Variants in NXN observed in about 807,000 individuals in gnomAD.
The protein encoded by NXN is nucleoredoxin 1.
A neutral mutation model predicts 48.6 loss-of-function variants in NXN; 16 were observed. The ratio of observed to expected loss-of-function variants is 0.33; its 90% confidence interval spans 0.22 to 0.50. The LOEUF is 0.50. NXN is among the 20% of genes least tolerant of loss of function. The pLI, the probability that NXN is intolerant of heterozygous loss-of-function variation, is 0.98. For synonymous variants in NXN, 281 were observed against 269.6 expected (o/e 1.04, Z -0.41); for missense variants, 492 against 605.5 (o/e 0.81, Z 1.97).
rs1387740648 is a variant in NXN at position 799,774 on chromosome 17, G to A, written c.*1175C>T. 6.6e-6 allele frequency: 1 copy of A among 152,388 alleles called. No individual in the cohort carries two copies. Among genetic ancestry groups the A allele is most frequent in the African/African-American group, 2.4e-5 (1 of 41,462 alleles). 9.4% of individuals were successfully genotyped at this position (152,388 alleles called of 1,614,324 possible). A position where few individuals can be genotyped will look rare whatever the true frequency, so the allele number is the denominator to read the frequency against. On this transcript the variant is annotated 3_prime_UTR_variant, in exon 8 of 8. Coordinates refer to ENST00000336868, the MANE Select transcript of NXN (RefSeq NM_022463.5). ...CACAGCTCCTTCCGCTGGTGCTTAGGAAAAGGCGAGGCTTCTGGTAATTTC... is the reference window on the plus strand; with the variant it reads ...CACAGCTCCTTCCGCTGGTGCTTAGAAAAAGGCGAGGCTTCTGGTAATTTC...
Position 932,207 on chromosome 17 carries a change from C to T in NXN, c.360+47112G>A, listed in dbSNP as rs2068862369. On this transcript the variant is annotated intron_variant, in intron 1 of 7. Transcript: ENST00000336868. This position sits in a 1 kb window ranked among gnomAD's most constrained non-coding sequence, Gnocchi z 4.1. ...TTATTTGGAATCCTGGAAAAAAAAG[C>T]TAAGGCAAAGCTGATCTGAAGAGTC... is the stretch of plus-strand genomic sequence containing the variant. Among the ~76,000 whole-genome samples, 1 of 152,184 alleles carries T rather than the reference C, an allele frequency of 6.6e-6. No individual in the cohort carries two copies. The highest frequency in any genetic ancestry group is 1.5e-5 in the Non-Finnish European group (1 of 68,028).
intron 1 of NXN, among the ~76,000 whole-genome samples, chr17:905,881 G>C (rs2068577044): frequency 1.3e-5 from 2 of 151,870 alleles, no homozygotes; most frequent in African/African-American, 2.4e-5. Context: ...GGAGGTTGGG[G>C]TGGGAGGATC....
In NXN at chr17:824,184, T is replaced by C. The variant is rs1207538374; in HGVS notation, c.479-419A>G. Among the ~76,000 whole-genome samples, 5 of 151,984 alleles carry C rather than the reference T, an allele frequency of 3.3e-5. No individual in the cohort carries two copies. The South Asian group carries it at 6.2e-4, about 19-fold the overall frequency. ...CCTCCCAAGTAGCTGGGACTACAGG[T>C]GCCCGCCACCAGGCCCGGCTAATGT... On this transcript the variant is annotated intron_variant, in intron 2 of 7. Coordinates refer to ENST00000336868, the MANE Select transcript of NXN (RefSeq NM_022463.5).
chr17:872,874 G>A (rs888742010), intron 1 of NXN, among the ~76,000 whole-genome samples: 32 of 152,100 alleles, frequency 2.1e-4, no homozygotes, highest in Non-Finnish European at 2.8e-4. Flanking sequence ...ACCCGCCTTG[G>A]CCTCCCAGTG....
chr17:902,329 G>A (rs888326033), intron 1 of NXN, among the ~76,000 whole-genome samples: 17 of 152,294 alleles, frequency 1.1e-4, no homozygotes, highest in Admixed American at 3.3e-4. Flanking sequence ...TGAGATCCAC[G>A]AGGATCCGTG....
At chr17:895,772 C>T (rs1185992958) in intron 1 of NXN, among the ~76,000 whole-genome samples, 2 of 58,896 alleles carry the variant, frequency 3.4e-5, no homozygotes, top group African/African-American at 1.6e-4. Flanking sequence ...GAGCCGAGAT[C>T]GCACCACTGC....
At chr17:804,535 C>T (rs1447470848) in intron 6 of NXN, among the ~76,000 whole-genome samples, 6 of 152,202 alleles carry the variant, frequency 3.9e-5, no homozygotes, top group Non-Finnish European at 7.3e-5. Flanking sequence ...GTCATCCCAT[C>T]AGACTGCAGG....
rs150696932 is a variant in NXN, at chr17:914,838, C to T, written c.360+64481G>A. ...CTTCCCCTGGAGGAGCTGATGAGTG[C>T]GTGGAACCAACAGCACAGGCAAATA... On this transcript the variant is annotated intron_variant, in intron 1 of 7. Transcript: ENST00000336868. 4.3e-3 allele frequency among the ~76,000 whole-genome samples: 650 copies of T among 152,172 alleles called. 1 individual carries two copies. Among genetic ancestry groups the T allele is most frequent in the South Asian group, 6.4e-3 (31 of 4,818 alleles).
In NXN at chr17:826,025, G is replaced by A. The variant is rs369883008; in HGVS notation, c.414C>T (p.Leu138=). 4.3e-6 allele frequency: 7 copies of A among 1,613,938 alleles called. No homozygotes were observed. The highest frequency in any genetic ancestry group is 2.7e-5 in the African/African-American group (2 of 74,884). Residue 138 remains leucine (L), a synonymous_variant, in exon 2 of 8, where the codon CTC becomes CTT. Transcript: ENST00000336868. ...RISNIPSLIF[L]DATTGKVVCR... ...ACACAACCTTCCCAGTGGTGGCGTC[G>A]AGGAATATTAGTGATGGAATGTTGG...
rs555213416 is a variant in NXN, at chr17:969,856, C to G, written c.360+9463G>C. 6.6e-5 allele frequency among the ~76,000 whole-genome samples: 10 copies of G among 152,268 alleles called. No individual in the cohort carries two copies. In the South Asian group the frequency reaches 1.7e-3, roughly 25 times the overall value. On this transcript the variant is annotated intron_variant, in intron 1 of 7. Transcript: ENST00000336868. ...AGAGAAAGCCCTATCCCTAGGACAG[C>G]AGAACTCACCACACCCTGTTTGGTG...
At chr17:802,955 G>A (rs1216259796) in intron 7 of NXN, among the ~76,000 whole-genome samples, 1 of 151,738 alleles carries the variant, frequency 6.6e-6, no homozygotes, top group Non-Finnish European at 1.5e-5. Context: ...GGGGTGGGGT[G>A]GGGAGGTGGC....
chr17:841,676 C>CCCCCTG (rs1914319413), intron 1 of NXN, among the ~76,000 whole-genome samples: 3 of 135,964 alleles, frequency 2.2e-5, no homozygotes, highest in Non-Finnish European at 4.7e-5. Context: ...CGAGCAGGTC[C>CCCCCTG]ACCCTGACCA....
chr17:941,400 A>G (rs1444417353), intron 1 of NXN, among the ~76,000 whole-genome samples: 2 of 146,164 alleles, frequency 1.4e-5, no homozygotes, highest in African/African-American at 5.3e-5. Flanking sequence ...TTCACCAAAC[A>G]CCTCCCTGGA....
intron 1 of NXN, among the ~76,000 whole-genome samples, chr17:904,700 C>T (rs1354570921): frequency 6.6e-6 from 1 of 152,128 alleles, no homozygotes; most frequent in African/African-American, 2.4e-5. Flanking sequence ...CATGCAATCA[C>T]ATCCAGCTAA....
chr17:821,750 CA>C (rs1423785195), intron 4 of NXN, among the ~76,000 whole-genome samples: 1 of 149,146 alleles, frequency 6.7e-6, no homozygotes. Context: ...GACTCCGTCT[CA>C]AAAAAAACCC....
intron 1 of NXN, among the ~76,000 whole-genome samples, chr17:961,181 G>A (rs906547565): frequency 5.9e-5 from 9 of 151,952 alleles, no homozygotes; most frequent in African/African-American, 2.2e-4. Context: ...ATCACCTGAG[G>A]TCAGAAGTTC....
intron 1 of NXN, among the ~76,000 whole-genome samples, chr17:926,942 A>G (rs1414146924): frequency 6.6e-6 from 1 of 152,144 alleles, no homozygotes; most frequent in Non-Finnish European, 1.5e-5. Context: ...AGCCAAGAAA[A>G]CTGTTCATAA....
At chr17:856,907 C>T (rs2067992076) in intron 1 of NXN, among the ~76,000 whole-genome samples, 1 of 152,200 alleles carries the variant, frequency 6.6e-6, no homozygotes, top group South Asian at 2.1e-4. Flanking sequence ...CTTTCACATT[C>T]TGTTCAGGGC....
chr17:836,401 C>T (rs1301188110), intron 1 of NXN, among the ~76,000 whole-genome samples: 3 of 152,208 alleles, frequency 2.0e-5, no homozygotes, highest in Non-Finnish European at 4.4e-5. Flanking sequence ...CACCCCTGCC[C>T]TCCAGCCAAA....
Sources: allele counts gnomAD v4.1 joint callset (sites outside exome capture counted in the v4.1 genomes callset), GRCh38; gene constraint gnomAD v4.1.1; non-coding constraint Gnocchi (gnomAD v3.1); transcripts MANE v1.5; gene names NCBI Gene and HGNC (gene_info 2026-07-23, HGNC 2026-07-21).